Variants in RPS6KA2 observed in about 807,000 individuals in gnomAD.
RPS6KA2 encodes ribosomal protein S6 kinase alpha-2.
In RPS6KA2, 42 loss-of-function variants were observed where a neutral mutation model predicts 91.8. The ratio of observed to expected loss-of-function variants is 0.46; its 90% CI spans 0.36 to 0.59. RPS6KA2 has a LOEUF of 0.59. Ranked by LOEUF, RPS6KA2 falls within the 20% of genes least tolerant of loss-of-function variation. The pLI is 0.00. For missense variants in RPS6KA2, 798 were observed against 978.5 expected (o/e 0.82, Z 2.46); for synonymous variants, 414 against 393.6 (o/e 1.05, Z -0.61).
At position 166,858,198 on chromosome 6, in the gene RPS6KA2, A is replaced by T; in HGVS notation, c.123+2T>A. ...AGAGTGTAATAAAACGTGTATAGTT[A>T]CTTCTTCTGCAGTGTCTTCTGTGGT... On this transcript the variant is annotated splice_donor_variant, in intron 2 of 21. Transcript: ENST00000503859. LOFTEE classifies it high-confidence loss of function. 1 of 1,504,906 alleles carries T rather than the reference A, an allele frequency of 6.6e-7. No homozygotes were observed. Among genetic ancestry groups the T allele is most frequent in the Non-Finnish European group, 9.3e-7 (1 of 1,078,666 alleles). The allele number at this position is 1,504,906 out of a possible 1,614,324, so 93.2% of individuals were successfully genotyped here. A position where few individuals can be genotyped will look rare whatever the true frequency, so the allele number is the denominator to read the frequency against.
chr6:166,578,252 G>C (rs1784901200), intron 1 of RPS6KA2, among the ~76,000 whole-genome samples: 1 of 152,190 alleles, frequency 6.6e-6, no homozygotes, highest in Non-Finnish European at 1.5e-5. Context: ...ACGTGCCGTA[G>C]ACTCCTCCAT....
At chr6:166,610,886 TTCTG>T (rs757919616) in intron 1 of RPS6KA2, among the ~76,000 whole-genome samples, 11 of 152,218 alleles carry the variant, frequency 7.2e-5, no homozygotes, top group South Asian at 4.1e-4. Context: ...CAGTACTTAT[TTCTG>T]TCTTTCTTTT....
chr6:166,542,080 G>A (rs150456342), intron 1 of RPS6KA2, among the ~76,000 whole-genome samples: 438 of 152,214 alleles, frequency 2.9e-3, no homozygotes, highest in African/African-American at 0.01. Flanking sequence ...TCCCCAAAAC[G>A]AAAACAAAAC....
intron 1 of RPS6KA2, among the ~76,000 whole-genome samples, chr6:166,571,229 G>A (rs1340185347): frequency 2.6e-5 from 4 of 152,198 alleles, no homozygotes; most frequent in Non-Finnish European, 5.9e-5. Context: ...AAATTCATCA[G>A]GTGAAAAATC....
intron 12 of RPS6KA2, among the ~76,000 whole-genome samples, chr6:166,454,063 G>A (rs565179370): frequency 2.8e-4 from 43 of 152,262 alleles, no homozygotes; most frequent in African/African-American, 9.9e-4. Context: ...TGGAAGGGTG[G>A]GAGAAGGTGA....
At chr6:166,450,702 A>G (rs10806850) in intron 13 of RPS6KA2, among the ~76,000 whole-genome samples, 40,443 of 141,656 alleles carry the variant, frequency 0.29, 5,118 homozygotes, top group Middle Eastern at 0.42. Context: ...GACCACCACA[A>G]GGGACCACCC....
chr6:166,781,962 T>A (rs1338003853), intron 2 of RPS6KA2, among the ~76,000 whole-genome samples: 1 of 151,958 alleles, frequency 6.6e-6, no homozygotes, highest in Non-Finnish European at 1.5e-5. Flanking sequence ...CAGTAGCATG[T>A]CCCCCCTGGA....
Position 166,626,822 on chromosome 6 carries a change from A to T in RPS6KA2, c.99+99T>A. ...GCTTTCCAGTAACTTGAACTCCCTG[A>T]CGGGTCTCGGGGTCCACCCAGGGGT... is the stretch of plus-strand genomic sequence containing the variant. On this transcript the variant is annotated intron_variant, in intron 1 of 20. Coordinates refer to ENST00000265678, the MANE Select transcript of RPS6KA2 (RefSeq NM_021135.6). The surrounding 1 kb of genome is among the most constrained non-coding windows in gnomAD (Gnocchi z 4.1). The T allele has an allele frequency of 1.0e-6, 1 of 994,384 alleles. No homozygotes were observed. The highest frequency in any genetic ancestry group is 1.7e-5 in the African/African-American group (1 of 59,094). The allele number at this position is 994,384 out of a possible 1,614,324, so 61.6% of individuals were successfully genotyped here. A position where few individuals can be genotyped will look rare whatever the true frequency, so the allele number is the denominator to read the frequency against.
intron 3 of RPS6KA2, among the ~76,000 whole-genome samples, chr6:166,531,011 G>T (rs1322784733): frequency 6.6e-6 from 1 of 152,228 alleles, no homozygotes; most frequent in Non-Finnish European, 1.5e-5. Context: ...TGGTATTTAC[G>T]CAATACAGCT....
chr6:166,721,725 C>T (rs942777872), intron 2 of RPS6KA2, among the ~76,000 whole-genome samples: 43 of 152,154 alleles, frequency 2.8e-4, no homozygotes, highest in African/African-American at 8.7e-4. Context: ...AGTGGGCGGG[C>T]GGCAGAGTTA....
At chr6:166,671,494 A>T (rs1788470854) in intron 2 of RPS6KA2, among the ~76,000 whole-genome samples, 3 of 151,850 alleles carry the variant, frequency 2.0e-5, no homozygotes, top group Non-Finnish European at 4.4e-5. Context: ...TTGGAGGGGG[A>T]GCCGCTCCAC....
chr6:166,589,903 G>T (rs1785302239), intron 1 of RPS6KA2, among the ~76,000 whole-genome samples: 1 of 152,160 alleles, frequency 6.6e-6, no homozygotes, highest in Admixed American at 6.5e-5. Context: ...CGGGAGACAA[G>T]ATCATACCCA....
At chr6:166,575,294 C>T (rs959836651) in intron 1 of RPS6KA2, among the ~76,000 whole-genome samples, 7 of 152,162 alleles carry the variant, frequency 4.6e-5, no homozygotes, top group African/African-American at 9.7e-5. Flanking sequence ...ATGTGTGATC[C>T]GGGCTCAGGG....
At chr6:166,638,031 G>C (rs761432395) in intron 2 of RPS6KA2, among the ~76,000 whole-genome samples, 5 of 152,248 alleles carry the variant, frequency 3.3e-5, no homozygotes, top group African/African-American at 1.2e-4. Context: ...GCCAGCCTTC[G>C]CCCAGGGGCA....
At chr6:166,824,675 CTG>C (rs1179828831) in intron 2 of RPS6KA2, among the ~76,000 whole-genome samples, 3 of 126,280 alleles carry the variant, frequency 2.4e-5, no homozygotes, top group African/African-American at 6.1e-5. Context: ...ATGTGTGTGT[CTG>C]TGTGTCTACA....
At chr6:166,632,703 C>T (rs995203436) in intron 2 of RPS6KA2, among the ~76,000 whole-genome samples, 1 of 151,912 alleles carries the variant, frequency 6.6e-6, no homozygotes, top group African/African-American at 2.4e-5. Context: ...CAGAAATCAA[C>T]AGCAACAACA....
intron 2 of RPS6KA2, among the ~76,000 whole-genome samples, chr6:166,659,239 T>C (rs1338446300): frequency 6.6e-6 from 1 of 152,212 alleles, no homozygotes. Flanking sequence ...CCCTATTAAT[T>C]AAAAACCAAA....
chr6:166,684,661 G>A (rs1439190419), intron 2 of RPS6KA2, among the ~76,000 whole-genome samples: 1 of 152,118 alleles, frequency 6.6e-6, no homozygotes, highest in Admixed American at 6.5e-5. Flanking sequence ...GCCCTCCTCT[G>A]CTCTGCCCCA....
intron 2 of RPS6KA2, among the ~76,000 whole-genome samples, chr6:166,717,836 T>C (rs1262354656): frequency 6.6e-6 from 1 of 150,408 alleles, no homozygotes; most frequent in African/African-American, 2.5e-5. Flanking sequence ...GTCATTTTTC[T>C]TTTTTCTTCT....
Sources: allele counts gnomAD v4.1 joint callset (sites outside exome capture counted in the v4.1 genomes callset), GRCh38; gene constraint gnomAD v4.1.1; non-coding constraint Gnocchi (gnomAD v3.1); transcripts MANE v1.5; gene names NCBI Gene and HGNC (gene_info 2026-07-23, HGNC 2026-07-21).